The following SLC44A5 variants were observed in gnomAD, a reference collection of about 807,000 sequenced individuals.
The protein encoded by SLC44A5 is choline transporter-like protein 5.
Under a neutral mutation model 101.8 loss-of-function variants are expected in SLC44A5, and 57 were observed. That is an observed-to-expected ratio of 0.56 (90% CI 0.45 to 0.70). The LOEUF (loss-of-function observed/expected upper bound fraction) is 0.70. Among genes scored for constraint, SLC44A5 ranks in the 30% least tolerant of loss-of-function variants. The pLI is 0.00. For missense variants in SLC44A5, 737 were observed against 853.1 expected (o/e 0.86, Z 1.70); for synonymous variants, 281 against 290.9 (o/e 0.97, Z 0.35).
the SLC44A5 span, among the ~76,000 whole-genome samples, chr1:75,695,942 T>C: frequency 6.6e-6 from 1 of 151,732 alleles, no homozygotes; most frequent in Non-Finnish European, 1.5e-5. Flanking sequence ...TGGGAAAGTC[T>C]TACACTAATA....
chr1:75,302,112 G>GTTTTGT (rs1654510964), intron 4 of SLC44A5, among the ~76,000 whole-genome samples: 1 of 60,140 alleles, frequency 1.7e-5, no homozygotes, highest in African/African-American at 6.9e-5. Context: ...TAGTTTTTTT[G>GTTTTGT]TTTTTTTTTT....
chr1:75,236,953 G>C lies in SLC44A5; in HGVS notation c.740+34C>G, dbSNP rs1187488908. On this transcript the variant is annotated intron_variant, in intron 11 of 23. Transcript: ENST00000370859. ...TCTACAAAGATAAAATCAGAATGGG[G>C]CTGGAGAAGAAACATCTATGTGTTT... 4 of 1,160,094 alleles carry C rather than the reference G, an allele frequency of 3.4e-6. No individual in the cohort carries two copies. In the African/African-American group the frequency reaches 6.0e-5, roughly 17 times the overall value. The allele number at this position is 1,160,094 out of a possible 1,614,324, so 71.9% of individuals were successfully genotyped here.
At chr1:75,659,014 G>A in the SLC44A5 span, among the ~76,000 whole-genome samples, 1 of 151,912 alleles carries the variant, frequency 6.6e-6, no homozygotes, top group Non-Finnish European at 1.5e-5. Flanking sequence ...CCAATAAATT[G>A]GAAAACCTAG....
chr1:75,649,019 T>C, the SLC44A5 span, among the ~76,000 whole-genome samples: 1 of 152,222 alleles, frequency 6.6e-6, no homozygotes, highest in South Asian at 2.1e-4. Flanking sequence ...TGTCAATAGA[T>C]GCTCTTGTGA....
the SLC44A5 span, among the ~76,000 whole-genome samples, chr1:75,663,411 C>A: frequency 1.3e-5 from 2 of 152,146 alleles, no homozygotes; most frequent in Non-Finnish European, 2.9e-5. Context: ...TCTCAGATCT[C>A]CAGAACTGTG....
chr1:75,609,855 A>T (rs1370421466), intron 1 of SLC44A5, among the ~76,000 whole-genome samples: 2 of 151,996 alleles, frequency 1.3e-5, no homozygotes, highest in Non-Finnish European at 2.9e-5. Context: ...ATTACCCCCA[A>T]ATTTTAGTGG....
chr1:75,650,046 T>C, the SLC44A5 span, among the ~76,000 whole-genome samples: 2 of 152,178 alleles, frequency 1.3e-5, no homozygotes, highest in South Asian at 2.1e-4. Flanking sequence ...TTGCCTTGTG[T>C]ATTCTCTCTC....
intron 3 of SLC44A5, among the ~76,000 whole-genome samples, chr1:75,343,782 TTTGTTTTA>T (rs1030191286): frequency 1.3e-5 from 2 of 152,180 alleles, no homozygotes; most frequent in African/African-American, 4.8e-5. Context: ...AAGTACGTGT[TTTGTTTTA>T]TTTTTAAAAC....
upstream of SLC44A5, among the ~76,000 whole-genome samples, chr1:75,616,080 C>G (rs1009846633): frequency 4.6e-5 from 7 of 151,836 alleles, no homozygotes; most frequent in African/African-American, 1.7e-4. Context: ...CGCCGCCCCT[C>G]TGCTCTCGGC....
At chr1:75,585,907 A>C (rs1004679234) in intron 1 of SLC44A5, among the ~76,000 whole-genome samples, 4 of 152,148 alleles carry the variant, frequency 2.6e-5, no homozygotes, top group Admixed American at 6.5e-5. Flanking sequence ...TTGCCTTTCC[A>C]ACAAGTTCCC....
At chr1:75,231,571 C>A (rs1003029121) in intron 12 of SLC44A5, among the ~76,000 whole-genome samples, 1 of 152,014 alleles carries the variant, frequency 6.6e-6, no homozygotes, top group Non-Finnish European at 1.5e-5. Flanking sequence ...CAATAATATT[C>A]CTGAATAACA....
chr1:75,485,784 C>G (rs1226187316), intron 2 of SLC44A5, among the ~76,000 whole-genome samples: 1 of 152,112 alleles, frequency 6.6e-6, no homozygotes, highest in East Asian at 1.9e-4. Context: ...TTCCACATGG[C>G]TGGGGAGGCC....
At chr1:75,587,529 C>T (rs1674079277) in intron 1 of SLC44A5, among the ~76,000 whole-genome samples, 1 of 152,168 alleles carries the variant, frequency 6.6e-6, no homozygotes, top group African/African-American at 2.4e-5. Flanking sequence ...CTCATGTTAC[C>T]TCCATTTCTG....
intron 3 of SLC44A5, among the ~76,000 whole-genome samples, chr1:75,348,349 A>T (rs976772464): frequency 1.3e-5 from 2 of 152,176 alleles, no homozygotes; most frequent in African/African-American, 4.8e-5. Flanking sequence ...TTATCAACTT[A>T]GCAAATTCCA....
At chr1:75,262,747 G>C (rs1460548066) in intron 6 of SLC44A5, among the ~76,000 whole-genome samples, 1 of 152,188 alleles carries the variant, frequency 6.6e-6, no homozygotes, top group Non-Finnish European at 1.5e-5. Context: ...CAAGGCTACA[G>C]TAATAAAAAC....
intron 4 of SLC44A5, among the ~76,000 whole-genome samples, chr1:75,306,614 A>G (rs1654917779): frequency 6.6e-6 from 1 of 151,886 alleles, no homozygotes; most frequent in South Asian, 2.1e-4. Flanking sequence ...GTTTTGTTTG[A>G]TAAGTGCATA....
chr1:75,479,836 G>C (rs1319406181), intron 2 of SLC44A5, among the ~76,000 whole-genome samples: 2 of 152,196 alleles, frequency 1.3e-5, no homozygotes, highest in African/African-American at 2.4e-5. Context: ...GGAGGAACTG[G>C]TATCATTCCT....
chr1:75,393,943 A>G (rs1457135564), intron 3 of SLC44A5, among the ~76,000 whole-genome samples: 1 of 152,192 alleles, frequency 6.6e-6, no homozygotes, highest in Non-Finnish European at 1.5e-5. Context: ...TATAAAGTCA[A>G]ATAAATAAGT....
intron 3 of SLC44A5, among the ~76,000 whole-genome samples, chr1:75,352,393 C>T (rs1658751093): frequency 6.6e-6 from 1 of 151,670 alleles, no homozygotes; most frequent in South Asian, 2.1e-4. Flanking sequence ...TGTGTTGTTC[C>T]CCCCGATGTG....
Sources: gnomAD v4.1 joint callset for allele counts (sites outside exome capture counted in the v4.1 genomes callset) on GRCh38, gnomAD v4.1.1 for gene constraint, MANE v1.5 for transcripts, NCBI Gene and HGNC (gene_info 2026-07-23, HGNC 2026-07-21) for gene names.